EDAR: variants seen among roughly 807,000 people sequenced by gnomAD.
EDAR encodes the protein tumor necrosis factor receptor superfamily member EDAR.
A neutral mutation model predicts 51.3 loss-of-function variants in EDAR; 38 were observed. The ratio of observed to expected loss-of-function variants is 0.74; its 90% CI spans 0.57 to 0.97. The LOEUF is 0.97. Among genes scored for constraint, EDAR ranks in the 50% least tolerant of loss-of-function variants. The pLI is 0.00. For synonymous variants in EDAR, 227 were observed against 242.1 expected, an observed-to-expected ratio of 0.94 and a Z score of 0.58; for missense variants, 528 against 595.0, an observed-to-expected ratio of 0.89 and a Z score of 1.17.
chr2:108,894,904 G>T lies in EDAR; in HGVS notation c.*2003C>A, dbSNP rs1159333322. ...ATGAGGCCAAAGCACCAGGAGCAGA[G>T]AACAGCCACCCCACTCTTTCGCTGA... On this transcript the variant is annotated 3_prime_UTR_variant, in exon 12 of 12. Coordinates refer to ENST00000258443, the MANE Select transcript of EDAR (RefSeq NM_022336.4). The T allele has an allele frequency of 6.6e-6, 1 of 152,186 alleles. No homozygotes were observed. 9.4% of individuals were successfully genotyped at this position (152,186 alleles called of 1,614,324 possible). A position where few individuals can be genotyped will look rare whatever the true frequency, so the allele number is the denominator to read the frequency against.
At chr2:108,940,284 C>T (rs1697569342) in intron 1 of EDAR, 1 of 152,378 alleles carries the variant, frequency 6.6e-6, no homozygotes, top group Admixed American at 6.5e-5. Flanking sequence ...AAGGTGCCCA[C>T]ATGGGTGGTG....
intron 11 of EDAR, among the ~76,000 whole-genome samples, chr2:108,898,105 A>G (rs1000199835): frequency 1.5e-4 from 23 of 152,220 alleles, no homozygotes; most frequent in Non-Finnish European, 1.8e-4. Flanking sequence ...AGCATAAAAC[A>G]TTTAGACAAT....
chr2:108,986,781 T>C (rs1180617706), intron 1 of EDAR, among the ~76,000 whole-genome samples: 1 of 152,168 alleles, frequency 6.6e-6, no homozygotes, highest in Non-Finnish European at 1.5e-5. Context: ...TCTTTGGGAC[T>C]TAAAAAAAAT....
intron 9 of EDAR, among the ~76,000 whole-genome samples, chr2:108,909,650 CTGA>C (rs1303860754): frequency 1.3e-5 from 2 of 152,214 alleles, no homozygotes; most frequent in Non-Finnish European, 2.9e-5. Context: ...TGGCTGGGAG[CTGA>C]TGCTGTGGGG....
At chr2:108,916,335 G>A (rs1295688246) in intron 5 of EDAR, among the ~76,000 whole-genome samples, 2 of 152,174 alleles carry the variant, frequency 1.3e-5, no homozygotes, top group Non-Finnish European at 2.9e-5. Flanking sequence ...GCTGCTTCAG[G>A]TGACAGGGTT....
At chr2:108,947,912 G>A (rs1250751825) in intron 1 of EDAR, among the ~76,000 whole-genome samples, 1 of 152,164 alleles carries the variant, frequency 6.6e-6, no homozygotes, top group East Asian at 1.9e-4. Flanking sequence ...CAGAAAATGG[G>A]TTTTTCTTTT....
rs757781255 is a variant in EDAR at position 108,930,123 on chromosome 2, G to A, written c.171C>T (p.Tyr57=). 2 of 1,613,414 alleles carry A rather than the reference G, an allele frequency of 1.2e-6. No individual in the cohort carries two copies. Among genetic ancestry groups the A allele is most frequent in the South Asian group, 2.2e-5 (2 of 91,024 alleles). Residue 57 remains tyrosine, a synonymous_variant, in exon 3 of 12, where the codon TAC becomes TAT. Transcript: ENST00000258443. ...TCCAGGAGGGCTGGGTCCTTACCAG[G>A]TAGGGCTCCTCTCCCGGCCCACACG... ...CPPCGPGEEP[Y]LSCGYGTKDE...
At chr2:108,930,498 A>G (rs1424379648) in intron 2 of EDAR, among the ~76,000 whole-genome samples, 2 of 152,052 alleles carry the variant, frequency 1.3e-5, no homozygotes, top group African/African-American at 2.4e-5. Context: ...CCATCCCACC[A>G]TCAAGGCCTG....
intron 1 of EDAR, among the ~76,000 whole-genome samples, chr2:108,985,335 A>G (rs1698478603): frequency 6.6e-6 from 1 of 152,140 alleles, no homozygotes; most frequent in Admixed American, 6.5e-5. Context: ...CGTCCGACTC[A>G]CAAGTGAAGG....
chr2:108,913,037 C>T (rs1304688349), intron 5 of EDAR, among the ~76,000 whole-genome samples: 1 of 151,680 alleles, frequency 6.6e-6, no homozygotes, highest in Admixed American at 6.6e-5. Context: ...CAAGCTCTGC[C>T]TCCCTGGTTG....
At chr2:108,966,857 T>A (rs10174266) in intron 1 of EDAR, among the ~76,000 whole-genome samples, 96,765 of 152,098 alleles carry the variant, frequency 0.64, 34,633 homozygotes, top group Non-Finnish European at 0.82. Context: ...ACAACTCCAC[T>A]AACATGATGA....
In EDAR at chr2:108,971,466, G is replaced by A. The variant is rs114044227; in HGVS notation, c.-19+17494C>T. On this transcript the variant is annotated intron_variant, in intron 1 of 11. Transcript: ENST00000258443. Reference sequence around the variant, plus strand: ...AGAAGGAGGACTCTCAACCCTGCCCGCACAGTAGCATCACTAGGGGAGACT... The same window carrying A: ...AGAAGGAGGACTCTCAACCCTGCCCACACAGTAGCATCACTAGGGGAGACT... Among the ~76,000 whole-genome samples the A allele has an allele frequency of 8.7e-3, 1,329 of 152,138 alleles. 14 individuals carry two copies. Among genetic ancestry groups the A allele is most frequent in the African/African-American group, 0.029 (1,220 of 41,498 alleles).
At chr2:108,930,330 G>A in intron 2 of EDAR, 88 bp from the exon 3 acceptor site, 1 of 1,568,132 alleles carries the variant, frequency 6.4e-7, no homozygotes, top group South Asian at 1.1e-5. Context: ...CATAGGAAGG[G>A]GGTGCCCTGC....
chr2:108,924,429 A>G (rs1161632691), intron 4 of EDAR, among the ~76,000 whole-genome samples: 1 of 152,230 alleles, frequency 6.6e-6, no homozygotes. Flanking sequence ...AGCGGAGAGC[A>G]TGGAGCCATT....
intron 1 of EDAR, among the ~76,000 whole-genome samples, chr2:108,962,244 G>A (rs964575128): frequency 6.6e-6 from 1 of 152,210 alleles, no homozygotes; most frequent in African/African-American, 2.4e-5. Flanking sequence ...TTTCACACAT[G>A]TGAACCAACG....
rs1234356251 is a variant in EDAR at position 108,905,391 on chromosome 2, G to A, written c.1024+917C>T. 2.0e-5 allele frequency among the ~76,000 whole-genome samples: 3 copies of A among 152,366 alleles called. No individual in the cohort carries two copies. The East Asian group carries it at 5.8e-4, about 29-fold the overall frequency. ...AGGCTGACCTGGGGCATGCGTTTAT[G>A]GAGAGATGCCACATTTCAGCGGCAG... On this transcript the variant is annotated intron_variant, in intron 11 of 11. Coordinates refer to ENST00000258443, the MANE Select transcript of EDAR (RefSeq NM_022336.4).
At chr2:108,909,308 T>G (rs747102864) in intron 9 of EDAR, among the ~76,000 whole-genome samples, 7 of 152,086 alleles carry the variant, frequency 4.6e-5, no homozygotes, top group Non-Finnish European at 1.0e-4. Flanking sequence ...GCAAATTCAG[T>G]CTCTAGGGAG....
intron 1 of EDAR, among the ~76,000 whole-genome samples, chr2:108,979,440 C>G (rs13384924): frequency 1.2e-5 from 1 of 80,548 alleles, no homozygotes; most frequent in African/African-American, 3.1e-5. Context: ...CTCTCTTTCT[C>G]TCTCTCTGTC....
At chr2:108,966,439 CAG>C (rs1242364674) in intron 1 of EDAR, among the ~76,000 whole-genome samples, 1 of 152,214 alleles carries the variant, frequency 6.6e-6, no homozygotes, top group Non-Finnish European at 1.5e-5. Flanking sequence ...TGACTCCTCA[CAG>C]GGCACAGGAA....
Sources: gnomAD v4.1 joint callset for allele counts (sites outside exome capture counted in the v4.1 genomes callset) on GRCh38, gnomAD v4.1.1 for gene constraint, MANE v1.5 for transcripts, NCBI Gene and HGNC (gene_info 2026-07-23, HGNC 2026-07-21) for gene names.